Variants in COL28A1 observed in about 807,000 individuals in gnomAD.
COL28A1 encodes the protein collagen type XXVIII alpha 1 chain, also known as collagen alpha-1(XXVIII) chain.
Under a neutral mutation model 150.2 loss-of-function variants are expected in COL28A1, and 161 were observed. The ratio of observed to expected loss-of-function variants is 1.07; its 90% confidence interval spans 0.94 to 1.22. COL28A1 has a LOEUF of 1.22. Ranked by LOEUF, COL28A1 falls within the 50% of genes most tolerant of loss-of-function variation. The probability of loss-of-function intolerance (pLI) is 0.00; values close to 1 mark genes in which losing one functional copy is unlikely to be tolerated. For synonymous variants in COL28A1, 552 were observed against 469.7 expected (o/e 1.18, Z -2.26); for missense variants, 1,617 against 1,388.3 (o/e 1.16, Z -2.62).
intron 9 of COL28A1, among the ~76,000 whole-genome samples, chr7:7,510,347 C>G (rs560126523): frequency 2.0e-5 from 3 of 152,116 alleles, no homozygotes; most frequent in Non-Finnish European, 4.4e-5. Context: ...TGCAGTGGCA[C>G]GATCTTGGCT....
the COL28A1 span, among the ~76,000 whole-genome samples, chr7:7,341,167 C>T: frequency 6.6e-6 from 1 of 152,140 alleles, no homozygotes; most frequent in Non-Finnish European, 1.5e-5. Context: ...CGACTCCAGA[C>T]ACCCAGTGTA....
chr7:7,417,763 T>G, intron 27 of COL28A1, 96 bp downstream of exon 27: 1 of 988,460 alleles, frequency 1.0e-6, no homozygotes. Flanking sequence ...ACAATAAATC[T>G]ATTTCATAAT....
intron 32 of COL28A1, among the ~76,000 whole-genome samples, chr7:7,372,149 C>T (rs548859617): frequency 4.8e-4 from 73 of 152,146 alleles, no homozygotes; most frequent in African/African-American, 1.7e-3. Flanking sequence ...CCTGTAATCC[C>T]AGCACTTTGG....
chr7:7,391,947 G>C (rs1476511013), intron 27 of COL28A1, among the ~76,000 whole-genome samples: 4 of 151,982 alleles, frequency 2.6e-5, no homozygotes, highest in African/African-American at 9.7e-5. Context: ...TAATTTGCCA[G>C]TCTGTGTCTT....
intron 27 of COL28A1, among the ~76,000 whole-genome samples, chr7:7,405,146 AAAG>A (rs757465471): frequency 2.0e-5 from 3 of 152,230 alleles, no homozygotes; most frequent in Non-Finnish European, 1.5e-5. Context: ...CTTTAAGCAG[AAAG>A]AAGATCTGAT....
intron 18 of COL28A1, among the ~76,000 whole-genome samples, chr7:7,451,618 T>C (rs1363381141): frequency 6.6e-6 from 1 of 151,986 alleles, no homozygotes; most frequent in Non-Finnish European, 1.5e-5. Flanking sequence ...TGAGCCTTAC[T>C]ATATCGTATA....
chr7:7,491,066 C>A (rs1170018441), intron 11 of COL28A1, among the ~76,000 whole-genome samples: 3 of 152,190 alleles, frequency 2.0e-5, no homozygotes, highest in Non-Finnish European at 4.4e-5. Context: ...CTCATTCATT[C>A]ACAAATCTTT....
rs1383671715 is a variant in COL28A1, at chr7:7,448,014, C to T, written c.1510-3525G>A. On this transcript the variant is annotated intron_variant, in intron 18 of 34. Coordinates refer to ENST00000399429, the MANE Select transcript of COL28A1 (RefSeq NM_001037763.3). ...CCCAGGAGGCAAGGCTGCAGTGAGT[C>T]AAGAGCATGCCACTGCACTTCAGCC... Among the ~76,000 whole-genome samples, 4 of 152,160 alleles carry T rather than the reference C, an allele frequency of 2.6e-5. No homozygotes were observed. The East Asian group carries it at 7.7e-4, about 29-fold the overall frequency.
chr7:7,432,691 C>T lies in COL28A1; in HGVS notation c.1870G>A (p.Gly624Ser). The part of the protein sequence containing the change: ...LSIRGPKGVQ[G>S]PRGPVGAPGL... ...GGAGCACCCACTGGTCCCCGAGGGCCTTGGACACCCTGGGTAAATTCCAAC... is the reference window on the plus strand; with the variant it reads ...GGAGCACCCACTGGTCCCCGAGGGCTTTGGACACCCTGGGTAAATTCCAAC... The change falls in exon 24 of 35, where the codon GGC (glycine) becomes AGC (serine). Residue 624 changes from glycine (G) to serine (S), a missense_variant. Physicochemically the swap from Gly to Ser is moderately conservative, Grantham distance 56. Coordinates refer to ENST00000399429, the MANE Select transcript of COL28A1 (RefSeq NM_001037763.3). The T allele has an allele frequency of 1.2e-6, 2 of 1,613,444 alleles. No individual in the cohort carries two copies. The highest frequency in any genetic ancestry group is 1.7e-6 in the Non-Finnish European group (2 of 1,179,758).
At chr7:7,432,249 A>C (rs983846245) in intron 25 of COL28A1, among the ~76,000 whole-genome samples, 1 of 152,202 alleles carries the variant, frequency 6.6e-6, no homozygotes, top group African/African-American at 2.4e-5. Context: ...AGGAAGCAGC[A>C]AAGGAATGCG....
At chr7:7,522,074 A>T (rs1367952306) in intron 4 of COL28A1, 113 bp from the exon 5 acceptor site, 1 of 733,072 alleles carries the variant, frequency 1.4e-6, no homozygotes, top group Admixed American at 2.0e-5. Flanking sequence ...AATTTCAAAT[A>T]GCATTTCAAA....
In COL28A1 at chr7:7,440,804, G is replaced by A; in HGVS notation, c.1708C>T (p.Pro570Ser). 1.3e-6 allele frequency: 2 copies of A among 1,489,652 alleles called. No individual in the cohort carries two copies. Among genetic ancestry groups the A allele is most frequent in the South Asian group, 1.1e-5 (1 of 87,582 alleles). The allele number at this position is 1,489,652 out of a possible 1,614,324, so 92.3% of individuals were successfully genotyped here. A position where few individuals can be genotyped will look rare whatever the true frequency, so the allele number is the denominator to read the frequency against. ...AAGAAACATACCTTTGGTCCTTCGG[G>A]CCCTGGAAGTCCCCTCTGTCCTTGA... Reference protein sequence around the residue: ...GNQGQRGLPGPEGPKGEPGIM... With the variant: ...GNQGQRGLPGSEGPKGEPGIM... The change falls in exon 21 of 35, where the codon CCC (proline) becomes TCC (serine). Residue 570 changes from proline (P) to serine (S), a missense_variant. Coordinates refer to ENST00000399429, the MANE Select transcript of COL28A1 (RefSeq NM_001037763.3).
chr7:7,387,209 C>T (rs1782239931), intron 27 of COL28A1, among the ~76,000 whole-genome samples: 1 of 152,018 alleles, frequency 6.6e-6, no homozygotes, highest in African/African-American at 2.4e-5. Context: ...AATCCTGGGC[C>T]CAGATCTTTA....
At position 7,415,903 on chromosome 7, in the gene COL28A1, A is replaced by G. The variant is rs560925244; in HGVS notation, c.2136+1956T>C. Among the ~76,000 whole-genome samples the G allele has an allele frequency of 2.6e-3, 391 of 152,164 alleles. 1 individual carries two copies. Among genetic ancestry groups the G allele is most frequent in the African/African-American group, 8.9e-3 (370 of 41,498 alleles). Reference sequence around the variant, plus strand: ...CTGCAGCCTCTGCCTCCTGGGTTCAAGCGATTCTCATGCCTCAGCCTCCTG... The same window carrying G: ...CTGCAGCCTCTGCCTCCTGGGTTCAGGCGATTCTCATGCCTCAGCCTCCTG... On this transcript the variant is annotated intron_variant, in intron 27 of 34. Transcript: ENST00000399429.
chr7:7,487,711 C>T (rs778167012), intron 13 of COL28A1, among the ~76,000 whole-genome samples: 35 of 152,162 alleles, frequency 2.3e-4, no homozygotes, highest in Admixed American at 1.3e-4. Context: ...TTAAATACAT[C>T]CACAAGTTCT....
At chr7:7,520,316 G>C (rs1250997120) in intron 5 of COL28A1, among the ~76,000 whole-genome samples, 1 of 152,116 alleles carries the variant, frequency 6.6e-6, no homozygotes, top group Non-Finnish European at 1.5e-5. Flanking sequence ...TTCTAGATTT[G>C]CTCAAAAGAG....
chr7:7,506,607 T>G (rs1767776128), intron 10 of COL28A1, among the ~76,000 whole-genome samples: 1 of 152,216 alleles, frequency 6.6e-6, no homozygotes, highest in Non-Finnish European at 1.5e-5. Flanking sequence ...TTAGAAGAGA[T>G]AAGTTCCTAG....
chr7:7,375,070 C>G (rs1002664887), intron 31 of COL28A1, among the ~76,000 whole-genome samples: 1 of 152,192 alleles, frequency 6.6e-6, no homozygotes, highest in African/African-American at 2.4e-5. Flanking sequence ...GGGAAAAACA[C>G]AGACATTCTA....
chr7:7,447,530 A>C (rs557874131), intron 18 of COL28A1, among the ~76,000 whole-genome samples: 1 of 152,192 alleles, frequency 6.6e-6, no homozygotes, highest in African/African-American at 2.4e-5. Flanking sequence ...ACTTATCCAG[A>C]AATAACACCA....
Sources: allele counts gnomAD v4.1 joint callset (sites outside exome capture counted in the v4.1 genomes callset), GRCh38; gene constraint gnomAD v4.1.1; transcripts MANE v1.5; gene names NCBI Gene and HGNC (gene_info 2026-07-23, HGNC 2026-07-21).